Variants in RPIA observed in about 807,000 individuals in gnomAD.
RPIA encodes the protein ribose-5-phosphate isomerase.
In RPIA, 29 loss-of-function variants were observed where a neutral mutation model predicts 37.8. The ratio of observed to expected loss-of-function variants is 0.77; its 90% CI spans 0.57 to 1.05. The LOEUF (loss-of-function observed/expected upper bound fraction) is 1.05, where lower values mean the gene tolerates loss of function less well. Ranked by LOEUF, RPIA falls within the 50% of genes least tolerant of loss-of-function variation. RPIA has a pLI of 0.00. For missense variants in RPIA, 385 were observed against 413.6 expected, an observed-to-expected ratio of 0.93 and a Z score of 0.60; for synonymous variants, 167 against 157.0, an observed-to-expected ratio of 1.06 and a Z score of -0.48.
Position 88,699,953 on chromosome 2 carries a change from A to G in RPIA, c.347-56A>G. 5.1e-6 allele frequency: 8 copies of G among 1,576,810 alleles called. No individual in the cohort carries two copies. The South Asian group carries it at 8.9e-5, about 17-fold the overall frequency. ...TTGGTTTCGAGCAAACACATATGAC[A>G]AGAAGAATAAAGTAAGGAGAGTGAA... On this transcript the variant is annotated intron_variant, in intron 2 of 8. Coordinates refer to ENST00000283646, the MANE Select transcript of RPIA (RefSeq NM_144563.3).
intron 3 of RPIA, among the ~76,000 whole-genome samples, chr2:88,721,147 T>C (rs954606217): frequency 6.6e-6 from 1 of 151,802 alleles, no homozygotes; most frequent in Admixed American, 6.6e-5. Context: ...TTCTCACTCA[T>C]AAGTGGGAGT....
chr2:88,747,489 T>C (rs1010870615), intron 8 of RPIA, among the ~76,000 whole-genome samples: 4 of 152,158 alleles, frequency 2.6e-5, no homozygotes, highest in African/African-American at 7.2e-5. Context: ...TGTGCTCAGT[T>C]GAAATTATTA....
chr2:88,746,869 G>T (rs1673443781), intron 8 of RPIA, among the ~76,000 whole-genome samples: 1 of 152,170 alleles, frequency 6.6e-6, no homozygotes, highest in Non-Finnish European at 1.5e-5. Flanking sequence ...TTTCTGTAGT[G>T]GCTTGAGTTG....
chr2:88,733,177 G>A (rs1356395224), intron 4 of RPIA, among the ~76,000 whole-genome samples: 2 of 152,164 alleles, frequency 1.3e-5, no homozygotes, highest in Non-Finnish European at 2.9e-5. Flanking sequence ...AGTGGTAGAC[G>A]GGAACCACAG....
Position 88,716,391 on chromosome 2 carries a change from T to C in RPIA, c.403-12887T>C, listed in dbSNP as rs1673037397. Among the ~76,000 whole-genome samples, 7 of 152,210 alleles carry C rather than the reference T, an allele frequency of 4.6e-5. No homozygotes were observed. The South Asian group carries it at 1.2e-3, about 27-fold the overall frequency. On this transcript the variant is annotated intron_variant, in intron 3 of 8. Transcript: ENST00000283646. ...CACATATCAGGACCTCCTGAGTCTC[T>C]GTCACAGGCACATCCTTAACCTTGG...
chr2:88,706,728 CA>C (rs1236229342), intron 3 of RPIA, among the ~76,000 whole-genome samples: 5 of 151,840 alleles, frequency 3.3e-5, no homozygotes, highest in African/African-American at 1.2e-4. Context: ...AATTAAGGGT[CA>C]TATTTATATG....
chr2:88,732,728 TAAAAAAAAA>T (rs75685116), intron 4 of RPIA, among the ~76,000 whole-genome samples: 4 of 2,004 alleles, frequency 2.0e-3, no homozygotes, highest in South Asian at 0.014. Context: ...TAGAGTATAA[TAAAAAAAAA>T]AAAAAAAAAA....
chr2:88,715,759 C>T (rs991909178), intron 3 of RPIA, among the ~76,000 whole-genome samples: 8 of 152,068 alleles, frequency 5.3e-5, no homozygotes, highest in African/African-American at 1.9e-4. Flanking sequence ...CTGCATTTAC[C>T]GTTGTCCATC....
intron 3 of RPIA, among the ~76,000 whole-genome samples, chr2:88,705,835 T>C (rs1304183506): frequency 6.6e-6 from 1 of 152,120 alleles, no homozygotes; most frequent in Non-Finnish European, 1.5e-5. Flanking sequence ...ATCTAGAATC[T>C]ACAAGGAACT....
At chr2:88,692,696 A>G (rs1429639112) in intron 1 of RPIA, among the ~76,000 whole-genome samples, 1 of 152,170 alleles carries the variant, frequency 6.6e-6, no homozygotes, top group Non-Finnish European at 1.5e-5. Flanking sequence ...TATCTTAATT[A>G]TAATAAGGAA....
intron 8 of RPIA, among the ~76,000 whole-genome samples, chr2:88,740,167 G>A (rs928061746): frequency 2.6e-5 from 4 of 152,176 alleles, no homozygotes; most frequent in East Asian, 1.9e-4. Context: ...TGTGGCTGCC[G>A]TATAGGTGGA....
At chr2:88,709,497 G>A (rs575886199) in intron 3 of RPIA, among the ~76,000 whole-genome samples, 2 of 152,190 alleles carry the variant, frequency 1.3e-5, no homozygotes, top group Non-Finnish European at 2.9e-5. Context: ...AGCCAATTGT[G>A]GGTGACTGTT....
chr2:88,710,670 G>A (rs1672951134), intron 3 of RPIA, among the ~76,000 whole-genome samples: 1 of 152,132 alleles, frequency 6.6e-6, no homozygotes, highest in Non-Finnish European at 1.5e-5. Flanking sequence ...GGTTCAATGA[G>A]TCAAAAAATT....
intron 7 of RPIA, among the ~76,000 whole-genome samples, chr2:88,737,496 T>A (rs554277688): frequency 6.6e-5 from 10 of 152,326 alleles, no homozygotes; most frequent in African/African-American, 2.4e-4. Context: ...TCGTTCAACC[T>A]TGACCCTGTC....
At chr2:88,748,827 C>G (rs1252824826) in intron 8 of RPIA, among the ~76,000 whole-genome samples, 1 of 152,172 alleles carries the variant, frequency 6.6e-6, no homozygotes, top group African/African-American at 2.4e-5. Flanking sequence ...TCTCCCACCT[C>G]AGCCTCCTGA....
chr2:88,710,318 T>C (rs189506713), intron 3 of RPIA, among the ~76,000 whole-genome samples: 1,933 of 152,196 alleles, frequency 0.013, 19 homozygotes, highest in Non-Finnish European at 0.019. Context: ...AGTGCTGAGA[T>C]TACAGATGTG....
At chr2:88,715,622 GT>G (rs1478147703) in intron 3 of RPIA, among the ~76,000 whole-genome samples, 4 of 152,302 alleles carry the variant, frequency 2.6e-5, no homozygotes, top group African/African-American at 9.6e-5. Context: ...TGTTAACCCT[GT>G]GAGGTTGGCT....
At chr2:88,749,603 G>C (rs572711822) in intron 8 of RPIA, among the ~76,000 whole-genome samples, 1 of 152,300 alleles carries the variant, frequency 6.6e-6, no homozygotes, top group East Asian at 1.9e-4. Flanking sequence ...TCCTTGGCTG[G>C]AGTAGTCATG....
chr2:88,746,068 A>G (rs967496614), intron 8 of RPIA, among the ~76,000 whole-genome samples: 3 of 151,512 alleles, frequency 2.0e-5, no homozygotes, highest in Non-Finnish European at 4.4e-5. Flanking sequence ...ACTCGTTCTA[A>G]TCTGTTGTTG....
Sources: allele counts gnomAD v4.1 joint callset (sites outside exome capture counted in the v4.1 genomes callset), GRCh38; gene constraint gnomAD v4.1.1; transcripts MANE v1.5; gene names NCBI Gene and HGNC (gene_info 2026-07-23, HGNC 2026-07-21).